CSMD3: variants seen among roughly 807,000 people sequenced by gnomAD.
The protein encoded by CSMD3 is CUB and Sushi multiple domains 3.
In CSMD3, 177 loss-of-function variants were observed where a neutral mutation model predicts 435.2. That is an observed-to-expected ratio of 0.41 (90% confidence interval 0.36 to 0.46). The LOEUF is 0.46. CSMD3 is among the 20% of genes least tolerant of loss of function. CSMD3 has a pLI of 0.34. For missense variants in CSMD3, 4,265 were observed against 4,504.6 expected, an observed-to-expected ratio of 0.95 and a Z score of 1.52; for synonymous variants, 1,656 against 1,520.5, an observed-to-expected ratio of 1.09 and a Z score of -2.07.
chr8:112,733,822 T>G (rs1285274377), intron 13 of CSMD3, among the ~76,000 whole-genome samples: 10 of 151,934 alleles, frequency 6.6e-5, no homozygotes, highest in Admixed American at 6.6e-4. Context: ...TTCTTTGACT[T>G]TGGGCAACAC....
chr8:113,377,174 C>A, intron 1 of CSMD3: 1 of 1,219,026 alleles, frequency 8.2e-7, no homozygotes, highest in Non-Finnish European at 1.0e-6. Flanking sequence ...ACCCTGCAAA[C>A]CCTACATCCG....
intron 10 of CSMD3, among the ~76,000 whole-genome samples, chr8:112,881,247 G>C (rs564946548): frequency 6.6e-6 from 1 of 151,956 alleles, no homozygotes; most frequent in Non-Finnish European, 1.5e-5. Context: ...GGGGTGTCCT[G>C]AGGGTGTATA....
chr8:113,195,145 A>AT (rs573044014), intron 3 of CSMD3, among the ~76,000 whole-genome samples: 2 of 147,754 alleles, frequency 1.4e-5, no homozygotes, highest in African/African-American at 5.0e-5. Flanking sequence ...TGATTGAGCT[A>AT]TTTTTTTCCT....
chr8:113,161,723 G>C (rs539329451), intron 4 of CSMD3, among the ~76,000 whole-genome samples: 2 of 152,062 alleles, frequency 1.3e-5, no homozygotes, highest in Non-Finnish European at 2.9e-5. Context: ...GTTTACACTA[G>C]CTTAGAGGAT....
At chr8:112,961,376 G>A (rs1277789439) in intron 7 of CSMD3, among the ~76,000 whole-genome samples, 1 of 151,730 alleles carries the variant, frequency 6.6e-6, no homozygotes, top group African/African-American at 2.4e-5. Flanking sequence ...TAGTAGAAAT[G>A]TATAAAACCA....
intron 13 of CSMD3, among the ~76,000 whole-genome samples, chr8:112,701,704 T>A (rs1437446989): frequency 6.6e-6 from 1 of 152,156 alleles, no homozygotes; most frequent in African/African-American, 2.4e-5. Flanking sequence ...TTCCTTACCA[T>A]AGAGGGCCCT....
chr8:113,299,360 A>G (rs1233012660), intron 2 of CSMD3, among the ~76,000 whole-genome samples: 3 of 152,104 alleles, frequency 2.0e-5, no homozygotes, highest in Non-Finnish European at 4.4e-5. Context: ...TATTTGTGTT[A>G]TATTGCTATA....
intron 6 of CSMD3, among the ~76,000 whole-genome samples, chr8:112,991,695 T>C (rs1015282905): frequency 1.6e-4 from 24 of 151,934 alleles, no homozygotes; most frequent in African/African-American, 5.1e-4. Flanking sequence ...GTGTGTTGTG[T>C]AGAAAACAAA....
chr8:113,019,052 A>G lies in CSMD3; in HGVS notation c.1030+15T>C. On this transcript the variant is annotated intron_variant, in intron 6 of 70. Transcript: ENST00000297405. ...TTTACATATCAAAAGAGGCAAAGGT[A>G]TTCCATAAGTATACCTTGATAGGGA... The G allele has an allele frequency of 6.8e-7, 1 of 1,465,776 alleles. No individual in the cohort carries two copies. Among genetic ancestry groups the G allele is most frequent in the Non-Finnish European group, 9.6e-7 (1 of 1,044,760 alleles). The allele number at this position is 1,465,776 out of a possible 1,614,324, so 90.8% of individuals were successfully genotyped here.
intron 13 of CSMD3, among the ~76,000 whole-genome samples, chr8:112,703,235 A>T (rs551353448): frequency 2.7e-4 from 41 of 152,150 alleles, no homozygotes; most frequent in Non-Finnish European, 5.1e-4. Context: ...GCACCCATAG[A>T]GAGTAGCACA....
At chr8:112,254,185 T>C (rs1198646022) in intron 63 of CSMD3, 68 bp downstream of exon 63, 5 of 1,027,508 alleles carry the variant, frequency 4.9e-6, no homozygotes, top group Admixed American at 3.4e-5. Flanking sequence ...AACAAGATTA[T>C]ATGCATATGA....
intron 35 of CSMD3, among the ~76,000 whole-genome samples, chr8:112,405,862 A>G (rs994792703): frequency 3.3e-5 from 5 of 152,182 alleles, no homozygotes; most frequent in African/African-American, 1.2e-4. Flanking sequence ...TCTTTGCACA[A>G]ACTTTTAAAA....
chr8:113,014,082 C>G (rs937160815), intron 6 of CSMD3, among the ~76,000 whole-genome samples: 3 of 152,108 alleles, frequency 2.0e-5, no homozygotes, highest in African/African-American at 7.2e-5. Flanking sequence ...TGGCATGGGT[C>G]ATCCATTTTG....
intron 13 of CSMD3, among the ~76,000 whole-genome samples, chr8:112,703,943 A>G (rs2076444298): frequency 6.6e-6 from 1 of 152,116 alleles, no homozygotes; most frequent in African/African-American, 2.4e-5. Flanking sequence ...CATGATGTAA[A>G]CACTGACATT....
chr8:112,702,911 T>G (rs908831773), intron 13 of CSMD3, among the ~76,000 whole-genome samples: 1 of 152,096 alleles, frequency 6.6e-6, no homozygotes, highest in African/African-American at 2.4e-5. Context: ...GCTAGAGATA[T>G]GGTACAATCC....
intron 11 of CSMD3, among the ~76,000 whole-genome samples, chr8:112,850,259 T>C (rs1010907888): frequency 6.6e-6 from 1 of 152,174 alleles, no homozygotes; most frequent in Admixed American, 6.5e-5. Flanking sequence ...ATGAGGAGTG[T>C]ATTAGTAAAT....
chr8:113,405,444 G>A (rs571548641), intron 1 of CSMD3, among the ~76,000 whole-genome samples: 1 of 151,560 alleles, frequency 6.6e-6, no homozygotes, highest in Non-Finnish European at 1.5e-5. Flanking sequence ...GCAAAGTGAT[G>A]TTTTATGTCA....
intron 5 of CSMD3, among the ~76,000 whole-genome samples, chr8:113,071,140 C>G (rs958501026): frequency 6.6e-6 from 1 of 151,748 alleles, no homozygotes; most frequent in Non-Finnish European, 1.5e-5. Flanking sequence ...TCTGTTCAAG[C>G]GTTTTGCCCA....
chr8:112,849,913 G>C (rs933420025), intron 11 of CSMD3, among the ~76,000 whole-genome samples: 3 of 152,086 alleles, frequency 2.0e-5, no homozygotes, highest in Non-Finnish European at 4.4e-5. Context: ...ATGACTGTAA[G>C]AGTCAATGCC....
Sources: gnomAD v4.1 joint callset for allele counts (sites outside exome capture counted in the v4.1 genomes callset) on GRCh38, gnomAD v4.1.1 for gene constraint, MANE v1.5 for transcripts, NCBI Gene and HGNC (gene_info 2026-07-23, HGNC 2026-07-21) for gene names.